Variants in ANKRD42 observed in about 807,000 individuals in gnomAD.
ANKRD42 encodes ankyrin repeat domain-containing protein 42.
Under a neutral mutation model 51.5 loss-of-function variants are expected in ANKRD42, and 43 were observed. The observed-to-expected ratio is 0.83, with a 90% confidence interval of 0.65 to 1.08. ANKRD42 has a LOEUF of 1.08. Ranked by LOEUF, ANKRD42 falls within the 50% of genes least tolerant of loss-of-function variation. The pLI is 0.00. For missense variants in ANKRD42, 608 were observed against 629.3 expected, an observed-to-expected ratio of 0.97 and a Z score of 0.36; for synonymous variants, 203 against 213.0, an observed-to-expected ratio of 0.95 and a Z score of 0.41.
chr11:83,240,397 A>G (rs1863350805), intron 8 of ANKRD42, among the ~76,000 whole-genome samples: 1 of 152,214 alleles, frequency 6.6e-6, no homozygotes, highest in East Asian at 1.9e-4. Context: ...GGCCAAGAAA[A>G]GGCAATAACT....
At chr11:83,220,029 T>G (rs1862667342) in intron 5 of ANKRD42, among the ~76,000 whole-genome samples, 1 of 152,176 alleles carries the variant, frequency 6.6e-6, no homozygotes, top group Non-Finnish European at 1.5e-5. Flanking sequence ...CCGGCAGACA[T>G]TAGCATCCAG....
intron 3 of ANKRD42, 180 bp from the exon 4 acceptor site, chr11:83,210,116 AAAAC>A (rs781155410): frequency 5.7e-6 from 3 of 530,422 alleles, no homozygotes; most frequent in African/African-American, 1.9e-5. Flanking sequence ...TCTAAAAAAA[AAAAC>A]AAACATTTTC....
chr11:83,200,510 CATT>C (rs1260492071), intron 2 of ANKRD42, among the ~76,000 whole-genome samples: 3 of 152,146 alleles, frequency 2.0e-5, no homozygotes, highest in Admixed American at 1.3e-4. Flanking sequence ...TTTGAATCAT[CATT>C]GAGTTGTTTC....
Position 83,206,058 on chromosome 11 carries a change from T to G in ANKRD42, c.223T>G (p.Cys75Gly). ...HWAAHSGSLECLHWLLWHGAD... is the reference protein window; with the variant it reads ...HWAAHSGSLEGLHWLLWHGAD... ...CTTGTTAACATGGTTATTTTCTTAG[T>G]GTCTTCATTGGCTGCTCTGGCATGG... The change falls in exon 3 of 11, where the codon TGT becomes GGT. Residue 75 changes from cysteine to glycine, a missense_variant and splice_region_variant. Physicochemically the swap from Cys to Gly is radical, Grantham distance 159. Coordinates refer to ENST00000533342, the MANE Select transcript of ANKRD42 (RefSeq NM_001300975.2). 1 of 1,610,954 alleles carries G rather than the reference T, an allele frequency of 6.2e-7. No homozygotes were observed. The highest frequency in any genetic ancestry group is 8.5e-7 in the Non-Finnish European group (1 of 1,178,036).
chr11:83,205,947 T>C, intron 2 of ANKRD42, 111 bp from the exon 3 acceptor site: 1 of 841,100 alleles, frequency 1.2e-6, no homozygotes. Context: ...TTCTTATACA[T>C]GGATCTCTCA....
At chr11:83,212,719 C>T in intron 5 of ANKRD42, 2 of 1,536,102 alleles carry the variant, frequency 1.3e-6, no homozygotes, top group Non-Finnish European at 1.7e-6. Flanking sequence ...CATAATTTGG[C>T]ACCTACCTAC....
At chr11:83,251,318 C>T (rs1565199839), downstream of ANKRD42, among the ~76,000 whole-genome samples, 1 of 152,146 alleles carries the variant, frequency 6.6e-6, no homozygotes, top group Admixed American at 6.6e-5. Context: ...TCATCTGTAT[C>T]ACAGCATGAT....
intron 8 of ANKRD42, among the ~76,000 whole-genome samples, chr11:83,238,124 A>G (rs1441410843): frequency 6.6e-6 from 1 of 152,058 alleles, no homozygotes; most frequent in East Asian, 1.9e-4. Context: ...AGGTTGAAGG[A>G]CATCTTGATT....
At chr11:83,211,159 T>C in intron 4 of ANKRD42, 136 bp from the exon 5 acceptor site, 3 of 1,093,800 alleles carry the variant, frequency 2.7e-6, no homozygotes, top group South Asian at 1.4e-5. Flanking sequence ...GTGGTTGCAG[T>C]ACATTTTTCT....
chr11:83,223,734 A>G (rs779803326), intron 5 of ANKRD42, among the ~76,000 whole-genome samples: 1 of 152,138 alleles, frequency 6.6e-6, no homozygotes, highest in Non-Finnish European at 1.5e-5. Flanking sequence ...GGATAGATTG[A>G]TATGTGCCAG....
intron 2 of ANKRD42, among the ~76,000 whole-genome samples, chr11:83,200,631 C>T (rs1861832187): frequency 6.6e-6 from 1 of 152,230 alleles, no homozygotes; most frequent in African/African-American, 2.4e-5. Context: ...GTTGATTCTG[C>T]TCCATCTTTG....
At chr11:83,241,414 ATAGAG>A (rs150708470) in intron 9 of ANKRD42, among the ~76,000 whole-genome samples, 2,277 of 152,314 alleles carry the variant, frequency 0.015, 23 homozygotes, top group Non-Finnish European at 0.023. Flanking sequence ...TATAAAGTAA[ATAGAG>A]TAGAGTGGTG....
chr11:83,195,567 T>C (rs1221449256), intron 1 of ANKRD42, among the ~76,000 whole-genome samples: 3 of 152,182 alleles, frequency 2.0e-5, no homozygotes, highest in East Asian at 3.9e-4. Context: ...GTCCAAAATG[T>C]AATTTTATAT....
At position 83,248,089 on chromosome 11, in the gene ANKRD42, T is replaced by A; in HGVS notation, c.1469T>A (p.Val490Asp). Residue 490 changes from valine (V) to aspartate (D), a missense_variant, in exon 11 of 11, where the codon GTT becomes GAT. Transcript: ENST00000533342. Reference protein sequence around the residue: ...KIQVPNFVAMVGVLFNTFIFL... With the variant: ...KIQVPNFVAMDGVLFNTFIFL... The stretch of plus-strand genomic sequence containing the variant: ...CAAGTCCCAAACTTTGTGGCTATGG[T>A]TGGTGTCCTTTTTAATACATTTATT... The A allele has an allele frequency of 1.3e-6, 2 of 1,565,162 alleles. No individual in the cohort carries two copies. The highest frequency in any genetic ancestry group is 1.7e-6 in the Non-Finnish European group (2 of 1,155,094).
chr11:83,248,547 A>G lies in ANKRD42; in HGVS notation c.*343A>G. The stretch of plus-strand genomic sequence containing the variant: ...AAATAAAGTGCTTTGAATGGAATCC[A>G]TATTTTCTTTCCATAGGGAAGTTTC... On this transcript the variant is annotated 3_prime_UTR_variant, in exon 11 of 11. Coordinates refer to ENST00000533342, the MANE Select transcript of ANKRD42 (RefSeq NM_001300975.2). The G allele has an allele frequency of 1.0e-6, 1 of 997,782 alleles. No homozygotes were observed. Among genetic ancestry groups the G allele is most frequent in the African/African-American group, 1.7e-5 (1 of 57,832 alleles). The allele number at this position is 997,782 out of a possible 1,614,324, so 61.8% of individuals were successfully genotyped here.
intron 9 of ANKRD42, among the ~76,000 whole-genome samples, chr11:83,243,388 TTCC>T (rs1448049477): frequency 2.6e-5 from 4 of 152,204 alleles, no homozygotes; most frequent in African/African-American, 9.7e-5. Context: ...CATTGGAAAT[TTCC>T]TCTTTTGTTG....
Position 83,224,772 on chromosome 11 carries a change from A to G in ANKRD42, c.587-83A>G, listed in dbSNP as rs1296927847. ...GCACTCCAGCCTGGGTTACAGAGCA[A>G]GATCTTGTCTCTAAATACATACATA... is the stretch of plus-strand genomic sequence containing the variant. On this transcript the variant is annotated intron_variant, in intron 5 of 10. Coordinates refer to ENST00000533342, the MANE Select transcript of ANKRD42 (RefSeq NM_001300975.2). 8.6e-6 allele frequency: 10 copies of G among 1,161,730 alleles called. No homozygotes were observed. The Admixed American group carries it at 8.9e-5, about 10-fold the overall frequency. 72.0% of individuals were successfully genotyped at this position (1,161,730 alleles called of 1,614,324 possible). A position where few individuals can be genotyped will look rare whatever the true frequency, so the allele number is the denominator to read the frequency against.
intron 5 of ANKRD42, among the ~76,000 whole-genome samples, chr11:83,221,458 A>G (rs1464367600): frequency 2.6e-5 from 4 of 152,090 alleles, no homozygotes; most frequent in African/African-American, 9.7e-5. Flanking sequence ...ATGTACATCT[A>G]TGTCTTTGCA....
At chr11:83,230,255 G>GTT (rs1219578869) in intron 7 of ANKRD42, among the ~76,000 whole-genome samples, 6 of 152,124 alleles carry the variant, frequency 3.9e-5, no homozygotes, top group African/African-American at 1.4e-4. Flanking sequence ...GTTTTGCCAT[G>GTT]TTGCCCAGGC....
Sources: gnomAD v4.1 joint callset for allele counts (sites outside exome capture counted in the v4.1 genomes callset) on GRCh38, gnomAD v4.1.1 for gene constraint, MANE v1.5 for transcripts, NCBI Gene and HGNC (gene_info 2026-07-23, HGNC 2026-07-21) for gene names.